JPH3: variants seen among roughly 807,000 people sequenced by gnomAD.
The protein encoded by JPH3 is junctophilin 3.
A neutral mutation model predicts 59.6 loss-of-function variants in JPH3; 11 were observed. The ratio of observed to expected loss-of-function variants is 0.18; its 90% CI spans 0.12 to 0.31. The LOEUF (loss-of-function observed/expected upper bound fraction) is 0.31, where lower values mean the gene tolerates loss of function less well. Among genes scored for constraint, JPH3 ranks in the 10% least tolerant of loss-of-function variants. The pLI is 1.00. For missense variants in JPH3, 1,202 were observed against 1,105.7 expected, an observed-to-expected ratio of 1.09 and a Z score of -1.24; for synonymous variants, 673 against 483.6, an observed-to-expected ratio of 1.39 and a Z score of -5.14.
At chr16:87,666,350 A>C (rs913404649) in intron 2 of JPH3, among the ~76,000 whole-genome samples, 2 of 150,500 alleles carry the variant, frequency 1.3e-5, no homozygotes, top group African/African-American at 4.9e-5. Context: ...CGACCTCTCA[A>C]AGTGCTTATA....
intron 1 of JPH3, among the ~76,000 whole-genome samples, chr16:87,635,831 T>A (rs1263918416): frequency 6.6e-6 from 1 of 152,194 alleles, no homozygotes; most frequent in East Asian, 1.9e-4. Flanking sequence ...GTGAGGTGGC[T>A]GCAGCAGAGC....
chr16:87,614,258 C>T lies in JPH3; in HGVS notation c.382+10730C>T, dbSNP rs28479103. On this transcript the variant is annotated intron_variant, in intron 1 of 4. Transcript: ENST00000284262. Reference sequence around the variant, plus strand: ...CACACAGGAGCTACACGTCCCCTCCCAGGATAAACACAGGTCCCTGTACAC... The same window carrying T: ...CACACAGGAGCTACACGTCCCCTCCTAGGATAAACACAGGTCCCTGTACAC... Among the ~76,000 whole-genome samples, 21 of 146,294 alleles carry T rather than the reference C, an allele frequency of 1.4e-4. 1 individual carries two copies. Among genetic ancestry groups the T allele is most frequent in the African/African-American group, 5.1e-4 (20 of 39,550 alleles).
intron 3 of JPH3, among the ~76,000 whole-genome samples, chr16:87,688,742 AG>A (rs1469369765): frequency 2.1e-4 from 32 of 152,270 alleles, no homozygotes; most frequent in African/African-American, 7.2e-4. Flanking sequence ...TGCTGAGCCT[AG>A]GACGCTACTT....
At chr16:87,627,515 C>G (rs2031421108) in intron 1 of JPH3, among the ~76,000 whole-genome samples, 1 of 152,188 alleles carries the variant, frequency 6.6e-6, no homozygotes, top group Non-Finnish European at 1.5e-5. Context: ...CCGTTCCTCC[C>G]AGTGCCTTTG....
chr16:87,640,965 C>G (rs141772384), intron 1 of JPH3, among the ~76,000 whole-genome samples: 65 of 152,316 alleles, frequency 4.3e-4, no homozygotes, highest in African/African-American at 1.4e-3. Context: ...TGAGACCCAC[C>G]GAGCCTAGTT....
At chr16:87,656,587 T>C (rs2032509311) in intron 2 of JPH3, among the ~76,000 whole-genome samples, 1 of 152,142 alleles carries the variant, frequency 6.6e-6, no homozygotes, top group Admixed American at 6.5e-5. Context: ...CCTGAATAAA[T>C]GAATCAGTCA....
rs868544900 is a variant in JPH3, at chr16:87,697,613, T to A, written c.*953T>A. On this transcript the variant is annotated 3_prime_UTR_variant, in exon 5 of 5. Transcript: ENST00000284262. ...TTACTGATCTCCACGGGTTTTCACA[T>A]CTCTGTACTGTGCCTGCCTCAACTT... The A allele has an allele frequency of 1.3e-5, 2 of 152,440 alleles. No individual in the cohort carries two copies. The highest frequency in any genetic ancestry group is 2.9e-5 in the Non-Finnish European group (2 of 68,140). The allele number at this position is 152,440 out of a possible 1,614,324, so 9.4% of individuals were successfully genotyped here.
At chr16:87,607,740 C>G (rs188421789) in intron 1 of JPH3, among the ~76,000 whole-genome samples, 1 of 152,226 alleles carries the variant, frequency 6.6e-6, no homozygotes, top group South Asian at 2.1e-4. Flanking sequence ...TATGACTATG[C>G]AACAAGTAAT....
intron 4 of JPH3, chr16:87,696,270 G>C (rs1402744210): frequency 1.4e-5 from 7 of 487,568 alleles, no homozygotes; most frequent in Non-Finnish European, 2.3e-5. Flanking sequence ...AGGGAGGCCT[G>C]GGTGGTTCTC....
chr16:87,690,284 G>A lies in JPH3; in HGVS notation c.1924G>A (p.Asp642Asn), dbSNP rs1187481857. ...CGGCGCCTGCCGGGGCTTGGGGGAC[G>A]ACCACCGCCCCGAGGACCGGGGCTT... is the stretch of plus-strand genomic sequence containing the variant. The part of the protein sequence containing the change: ...KGGACRGLGD[D>N]HRPEDRGFGV... The change falls in exon 4 of 5, where the codon GAC (aspartate) becomes AAC (asparagine). Residue 642 changes from aspartate to asparagine, a missense_variant. Coordinates refer to ENST00000284262, the MANE Select transcript of JPH3 (RefSeq NM_020655.4). 6.2e-6 allele frequency: 10 copies of A among 1,600,078 alleles called. No homozygotes were observed. Among genetic ancestry groups the A allele is most frequent in the Middle Eastern group, 1.7e-4 (1 of 6,042 alleles).
intron 4 of JPH3, among the ~76,000 whole-genome samples, chr16:87,690,877 G>A (rs541248614): frequency 2.6e-5 from 4 of 152,354 alleles, no homozygotes; most frequent in Admixed American, 6.5e-5. Flanking sequence ...GCCTTGGGCC[G>A]TGAGATGACC....
intron 3 of JPH3, among the ~76,000 whole-genome samples, chr16:87,687,783 C>T (rs991638387): frequency 3.9e-5 from 6 of 152,148 alleles, no homozygotes; most frequent in African/African-American, 1.4e-4. Context: ...GTCTCCTGGG[C>T]CAGCCAGGCC....
chr16:87,625,429 C>T (rs748211738), intron 1 of JPH3, among the ~76,000 whole-genome samples: 6 of 152,198 alleles, frequency 3.9e-5, no homozygotes, highest in Non-Finnish European at 5.9e-5. Flanking sequence ...CCATCATCAG[C>T]CGCTGGGCAC....
chr16:87,639,226 TGAG>T lies in JPH3; in HGVS notation c.383-5028_383-5026del, dbSNP rs563195778. Among the ~76,000 whole-genome samples, 198 of 152,274 alleles carry T rather than the reference TGAG, an allele frequency of 1.3e-3. 3 individuals are homozygous for T. The highest frequency in any genetic ancestry group is 4.4e-3 in the African/African-American group (184 of 41,554). ...ACAGCCGCCCTCCCCTCGTTGCAGA[TGAG>T]GAGACTGAGTCAGAGAGAGGTTAAC... On this transcript the variant is annotated intron_variant, in intron 1 of 4. Transcript: ENST00000284262.
intron 2 of JPH3, among the ~76,000 whole-genome samples, chr16:87,664,731 C>T (rs767422519): frequency 6.6e-6 from 1 of 152,202 alleles, no homozygotes; most frequent in Non-Finnish European, 1.5e-5. Flanking sequence ...CACTGGCCCT[C>T]CTTATCCTTG....
At chr16:87,674,346 A>C (rs923032947) in intron 2 of JPH3, among the ~76,000 whole-genome samples, 1 of 152,168 alleles carries the variant, frequency 6.6e-6, no homozygotes, top group Non-Finnish European at 1.5e-5. Flanking sequence ...AAAAAACAAA[A>C]ACAAAAAAAA....
intron 4 of JPH3, chr16:87,694,729 TC>T (rs1286405198): frequency 6.2e-6 from 1 of 161,228 alleles, no homozygotes; most frequent in Admixed American, 6.0e-5. Context: ...TTTAGTGTAT[TC>T]CCAGTTATAC....
chr16:87,678,315 G>A (rs903267724), intron 2 of JPH3, among the ~76,000 whole-genome samples: 10 of 152,220 alleles, frequency 6.6e-5, no homozygotes, highest in Non-Finnish European at 1.3e-4. Context: ...AGGCTGAGGC[G>A]GTTGGATCAC....
rs143810997 is a variant in JPH3 at position 87,607,070 on chromosome 16, A to G, written c.382+3542A>G. 6.3e-3 allele frequency among the ~76,000 whole-genome samples: 951 copies of G among 152,142 alleles called. 10 individuals are homozygous for G. The highest frequency in any genetic ancestry group is 0.021 in the African/African-American group (877 of 41,498). On this transcript the variant is annotated intron_variant, in intron 1 of 4. Coordinates refer to ENST00000284262, the MANE Select transcript of JPH3 (RefSeq NM_020655.4). ...GCTCTCTAAATGCCCCTGTGCAAAA[A>G]CACCTCCTGTTCTTTCCTCTCGTTT...
Sources: gnomAD v4.1 joint callset for allele counts (sites outside exome capture counted in the v4.1 genomes callset) on GRCh38, gnomAD v4.1.1 for gene constraint, MANE v1.5 for transcripts, NCBI Gene and HGNC (gene_info 2026-07-23, HGNC 2026-07-21) for gene names.